BRI3BP: variants seen among roughly 807,000 people sequenced by gnomAD.
The protein encoded by BRI3BP is BRI3 binding protein.
Under a neutral mutation model 15.8 loss-of-function variants are expected in BRI3BP, and 7 were observed. That is an observed-to-expected ratio of 0.44 (90% CI 0.25 to 0.83). The LOEUF (loss-of-function observed/expected upper bound fraction) is 0.83, where lower values mean the gene tolerates loss of function less well. Among genes scored for constraint, BRI3BP ranks in the 40% least tolerant of loss-of-function variants. BRI3BP has a pLI of 0.20. For synonymous variants in BRI3BP, 192 were observed against 163.5 expected, an observed-to-expected ratio of 1.17 and a Z score of -1.33; for missense variants, 320 against 339.3, an observed-to-expected ratio of 0.94 and a Z score of 0.45.
the BRI3BP span, among the ~76,000 whole-genome samples, chr12:125,040,054 G>C: frequency 9.9e-5 from 15 of 152,278 alleles, 1 homozygote; most frequent in East Asian, 2.9e-3. Flanking sequence ...ACAAGGTCAA[G>C]AGATTGAGAC....
At chr12:125,041,759 T>C in the BRI3BP span, among the ~76,000 whole-genome samples, 1 of 152,242 alleles carries the variant, frequency 6.6e-6, no homozygotes, top group Non-Finnish European at 1.5e-5. Context: ...TGCAGTGGCA[T>C]GATCATGGCT....
At chr12:125,006,689 G>C (rs1250494732) in intron 1 of BRI3BP, among the ~76,000 whole-genome samples, 4 of 152,228 alleles carry the variant, frequency 2.6e-5, no homozygotes, top group Admixed American at 6.5e-5. Flanking sequence ...GGTCTTTACA[G>C]GTTCTGCTCT....
intron 2 of BRI3BP, among the ~76,000 whole-genome samples, chr12:125,019,461 C>G (rs1334511279): frequency 6.6e-6 from 1 of 151,962 alleles, no homozygotes; most frequent in African/African-American, 2.4e-5. Flanking sequence ...GTCCCTGAGA[C>G]CCTTTTGGTT....
At position 125,029,530 on chromosome 12, in the gene BRI3BP, T is replaced by C. The variant is rs1401054226; in HGVS notation, c.*4100T>C. 2 of 133,020 alleles carry C rather than the reference T, an allele frequency of 1.5e-5. No homozygotes were observed. Among genetic ancestry groups the C allele is most frequent in the African/African-American group, 5.9e-5 (2 of 33,892 alleles). 8.2% of individuals were successfully genotyped at this position (133,020 alleles called of 1,614,324 possible). A position where few individuals can be genotyped will look rare whatever the true frequency, so the allele number is the denominator to read the frequency against. On this transcript the variant is annotated 3_prime_UTR_variant, in exon 3 of 3. Coordinates refer to ENST00000341446, the MANE Select transcript of BRI3BP (RefSeq NM_080626.6). ...TGAGGCGACAGAGTGAGACCCAGTC[T>C]CAAAAAAAAAAAAAAGTGTGTGTGT...
chr12:125,043,410 G>C, the BRI3BP span, among the ~76,000 whole-genome samples: 1 of 152,174 alleles, frequency 6.6e-6, no homozygotes, highest in African/African-American at 2.4e-5. Context: ...CTATGACTGA[G>C]GGGCTTTAAA....
chr12:125,043,007 G>T, the BRI3BP span, among the ~76,000 whole-genome samples: 1 of 151,898 alleles, frequency 6.6e-6, no homozygotes, highest in Non-Finnish European at 1.5e-5. Flanking sequence ...GAAATCGATT[G>T]TATGGTGACT....
chr12:125,034,278 T>C (rs1265845067), downstream of BRI3BP, among the ~76,000 whole-genome samples: 1 of 151,958 alleles, frequency 6.6e-6, no homozygotes, highest in Non-Finnish European at 1.5e-5. Flanking sequence ...ACTACCGACC[T>C]CAGGTGATCT....
chr12:125,019,606 C>G (rs960212792), intron 2 of BRI3BP, among the ~76,000 whole-genome samples: 1 of 140,682 alleles, frequency 7.1e-6, no homozygotes, highest in Admixed American at 7.4e-5. Flanking sequence ...TTGGATTAAA[C>G]AAAATATCTT....
intron 2 of BRI3BP, 86 bp from the exon 3 acceptor site, chr12:125,024,905 A>C (rs890426147): frequency 2.5e-5 from 32 of 1,262,496 alleles, no homozygotes; most frequent in Non-Finnish European, 3.3e-5. Context: ...TAAGCCCCAC[A>C]GGCCAGCTCA....
intron 1 of BRI3BP, among the ~76,000 whole-genome samples, chr12:125,011,228 C>T (rs1955194558): frequency 6.6e-6 from 1 of 152,060 alleles, no homozygotes. Flanking sequence ...AGAGTCCCAG[C>T]CCCCATAGAT....
Position 125,025,369 on chromosome 12 carries a change from G to C in BRI3BP, c.695G>C (p.Arg232Thr), listed in dbSNP as rs1312099369. ...EKLEHLEKQV[R>T]LLNIRLNRVL... ...CTGGAGCACCTGGAGAAGCAGGTCA[G>C]ACTGCTCAACATCCGTCTCAACCGG... The change falls in exon 3 of 3, where the codon AGA (arginine) becomes ACA (threonine). Residue 232 changes from arginine (R) to threonine (T), a missense_variant. Arg to Thr is a moderately conservative substitution (Grantham distance 71). Coordinates refer to ENST00000341446, the MANE Select transcript of BRI3BP (RefSeq NM_080626.6). 6.2e-7 allele frequency: 1 copy of C among 1,612,570 alleles called. No individual in the cohort carries two copies. The highest frequency in any genetic ancestry group is 8.5e-7 in the Non-Finnish European group (1 of 1,179,602).
chr12:125,039,372 T>G, the BRI3BP span, among the ~76,000 whole-genome samples: 1 of 152,186 alleles, frequency 6.6e-6, no homozygotes, highest in East Asian at 1.9e-4. Flanking sequence ...AGGGGATCCT[T>G]TGCTAGGATT....
intron 1 of BRI3BP, among the ~76,000 whole-genome samples, chr12:125,006,085 C>T (rs1188481698): frequency 6.6e-6 from 1 of 152,110 alleles, no homozygotes; most frequent in Non-Finnish European, 1.5e-5. Context: ...TGCATAAGGA[C>T]ACCAGTCGCA....
rs1272868475 is a variant in BRI3BP, at chr12:125,029,328, A to G, written c.*3898A>G. 1 of 146,140 alleles carries G rather than the reference A, an allele frequency of 6.8e-6. No individual in the cohort carries two copies. Among genetic ancestry groups the G allele is most frequent in the Non-Finnish European group, 1.5e-5 (1 of 67,034 alleles). 9.1% of individuals were successfully genotyped at this position (146,140 alleles called of 1,614,324 possible). ...CGGGAGTTCGAGACCAGCCTGGCCA[A>G]CATAGTGAAATCCCGTCTCTACCAA... On this transcript the variant is annotated 3_prime_UTR_variant, in exon 3 of 3. Coordinates refer to ENST00000341446, the MANE Select transcript of BRI3BP (RefSeq NM_080626.6).
chr12:125,006,064 G>A (rs116945089), intron 1 of BRI3BP, among the ~76,000 whole-genome samples: 6,068 of 152,140 alleles, frequency 0.04, 246 homozygotes, highest in Admixed American at 0.13. Flanking sequence ...TCTGGGTCCT[G>A]CTCTCCTACT....
At chr12:125,008,583 T>C (rs1955169741) in intron 1 of BRI3BP, among the ~76,000 whole-genome samples, 1 of 151,864 alleles carries the variant, frequency 6.6e-6, no homozygotes, top group Non-Finnish European at 1.5e-5. Context: ...AGTGCTGGGA[T>C]TACAGGCATG....
At chr12:125,032,244 C>T (rs1041244245), downstream of BRI3BP, among the ~76,000 whole-genome samples, 8 of 152,076 alleles carry the variant, frequency 5.3e-5, no homozygotes, top group South Asian at 2.1e-4. Context: ...GGGCGGATCA[C>T]GAGGTCAAGA....
chr12:125,047,907 G>A, the BRI3BP span, among the ~76,000 whole-genome samples: 1 of 151,524 alleles, frequency 6.6e-6, no homozygotes, highest in Non-Finnish European at 1.5e-5. Flanking sequence ...ATGTTGGCCA[G>A]GCTGGTCTTG....
chr12:124,996,723 A>T (rs1955043757), intron 1 of BRI3BP, among the ~76,000 whole-genome samples: 1 of 151,512 alleles, frequency 6.6e-6, no homozygotes, highest in Non-Finnish European at 1.5e-5. Flanking sequence ...CTGCTTTGTG[A>T]AGTTTAATGG....
Sources: gnomAD v4.1 joint callset for allele counts (sites outside exome capture counted in the v4.1 genomes callset) on GRCh38, gnomAD v4.1.1 for gene constraint, MANE v1.5 for transcripts, NCBI Gene and HGNC (gene_info 2026-07-23, HGNC 2026-07-21) for gene names.